Variants in DOCK5 observed in about 807,000 individuals in gnomAD.
DOCK5 encodes dedicator of cytokinesis protein 5.
In DOCK5, 142 loss-of-function variants were observed where a neutral mutation model predicts 251.8. The observed-to-expected ratio is 0.56, with a 90% CI of 0.49 to 0.65. The LOEUF (loss-of-function observed/expected upper bound fraction) is 0.65. Among genes scored for constraint, DOCK5 ranks in the 30% least tolerant of loss-of-function variants. The pLI is 0.00. For synonymous variants in DOCK5, 842 were observed against 835.5 expected (o/e 1.01, Z -0.13); for missense variants, 2,111 against 2,312.3 (o/e 0.91, Z 1.79).
rs5890230 is a variant in DOCK5, at chr8:25,396,763, C to CGT, written c.4704+1079_4704+1080dup. On this transcript the variant is annotated intron_variant, in intron 45 of 51. Transcript: ENST00000276440. ...ATTAATTGGGTGGCACTCTTGTGTCCGTGTGTGTGTGTGTGTGTGTGTGTG... is the reference window on the plus strand; with the variant it reads ...ATTAATTGGGTGGCACTCTTGTGTCCGTGTGTGTGTGTGTGTGTGTGTGTGTG... 5.3e-3 allele frequency among the ~76,000 whole-genome samples: 780 copies of CGT among 147,200 alleles called. 6 individuals are homozygous for CGT. Among genetic ancestry groups the CGT allele is most frequent in the African/African-American group, 0.018 (726 of 39,534 alleles).
intron 2 of DOCK5, among the ~76,000 whole-genome samples, chr8:25,257,450 C>T (rs1803448538): frequency 6.6e-6 from 1 of 152,144 alleles, no homozygotes; most frequent in Non-Finnish European, 1.5e-5. Context: ...TTGTTCTTTC[C>T]ACAACATGCA....
rs187416517 is a variant in DOCK5 at position 25,241,508 on chromosome 8, G to A, written c.44-2166G>A. On this transcript the variant is annotated intron_variant, in intron 1 of 51. Coordinates refer to ENST00000276440, the MANE Select transcript of DOCK5 (RefSeq NM_024940.8). ...AAAAAAAAGTCAGGAAACAACAGATGCTGGAGAGGACATGGAGAAAGAGGA... is the reference window on the plus strand; with the variant it reads ...AAAAAAAAGTCAGGAAACAACAGATACTGGAGAGGACATGGAGAAAGAGGA... Among the ~76,000 whole-genome samples, 92 of 152,044 alleles carry A rather than the reference G, an allele frequency of 6.1e-4. 1 individual carries two copies. The highest frequency in any genetic ancestry group is 1.5e-5 in the Non-Finnish European group (1 of 67,972).
chr8:25,354,651 GA>G (rs1586355822), intron 27 of DOCK5, among the ~76,000 whole-genome samples: 2 of 152,208 alleles, frequency 1.3e-5, no homozygotes, highest in East Asian at 3.9e-4. Context: ...AAAGTGAGGG[GA>G]AAATGTACAG....
At chr8:25,221,879 C>A (rs1802401466) in intron 1 of DOCK5, among the ~76,000 whole-genome samples, 1 of 152,150 alleles carries the variant, frequency 6.6e-6, no homozygotes, top group Admixed American at 6.5e-5. Flanking sequence ...GGACTTATAT[C>A]CAGGCTCACC....
chr8:25,351,833 A>G lies in DOCK5; in HGVS notation c.2850+7A>G, dbSNP rs1397816758. On this transcript the variant is annotated splice_region_variant and intron_variant, in intron 27 of 51. Coordinates refer to ENST00000276440, the MANE Select transcript of DOCK5 (RefSeq NM_024940.8). ...CCGGCAGTCTCCCCACATCGTGAGT[A>G]TCTCTTTGTTGGATCCCACGGCCGC... The G allele has an allele frequency of 6.2e-7, 1 of 1,612,514 alleles. No homozygotes were observed.
intron 8 of DOCK5, among the ~76,000 whole-genome samples, chr8:25,299,985 C>G (rs923723693): frequency 2.6e-5 from 4 of 152,196 alleles, no homozygotes; most frequent in Middle Eastern, 3.4e-3. Flanking sequence ...TCTTGTCGTA[C>G]AGGCCCGCAT....
intron 44 of DOCK5, among the ~76,000 whole-genome samples, chr8:25,393,722 G>A (rs550781569): frequency 2.0e-5 from 3 of 152,164 alleles, no homozygotes; most frequent in Admixed American, 6.5e-5. Flanking sequence ...TGGGTGACCT[G>A]CCCTTTGTCT....
chr8:25,325,485 A>AT lies in DOCK5; in HGVS notation c.1842dup (p.Ser615Ter). On this transcript the variant is annotated frameshift_variant, in exon 18 of 52. Transcript: ENST00000276440. LOFTEE classifies it high-confidence loss of function. The stretch of plus-strand genomic sequence containing the variant: ...CTGGTCACCTTCACCCCAAGCAAGG[A>AT]TAGCACTAAAGACAGCTTTCAGATT... 1 of 1,613,922 alleles carries AT rather than the reference A, an allele frequency of 6.2e-7. No individual in the cohort carries two copies.
chr8:25,226,731 G>A (rs971403713), intron 1 of DOCK5, among the ~76,000 whole-genome samples: 24 of 151,742 alleles, frequency 1.6e-4, no homozygotes, highest in Non-Finnish European at 2.2e-4. Context: ...GACTACAGGC[G>A]CCCGCCACCA....
In DOCK5 at chr8:25,413,207, C is replaced by A. The variant is rs1442047680; in HGVS notation, c.*1909C>A. 6.6e-6 allele frequency: 1 copy of A among 152,168 alleles called. No homozygotes were observed. Among genetic ancestry groups the A allele is most frequent in the Admixed American group, 6.5e-5 (1 of 15,274 alleles). The allele number at this position is 152,168 out of a possible 1,614,324, so 9.4% of individuals were successfully genotyped here. ...AAATATGGGAAAGAAGAGGTACTCACCTGATGGTCCCTGCTTTCCTCTGCT... is the reference window on the plus strand; with the variant it reads ...AAATATGGGAAAGAAGAGGTACTCAACTGATGGTCCCTGCTTTCCTCTGCT... On this transcript the variant is annotated 3_prime_UTR_variant, in exon 52 of 52. Transcript: ENST00000276440.
intron 2 of DOCK5, among the ~76,000 whole-genome samples, chr8:25,254,802 A>C (rs1425109886): frequency 6.7e-6 from 1 of 148,392 alleles, no homozygotes; most frequent in East Asian, 1.9e-4. Context: ...ACAAAAAAAA[A>C]AAACATTTGA....
At chr8:25,376,507 A>G (rs1355801003) in intron 37 of DOCK5, 3 of 446,782 alleles carry the variant, frequency 6.7e-6, no homozygotes, top group Non-Finnish European at 8.9e-6. Flanking sequence ...GTGTTTTATG[A>G]CCTGGTAGTT....
intron 1 of DOCK5, among the ~76,000 whole-genome samples, chr8:25,199,364 C>A (rs1403107290): frequency 6.7e-6 from 1 of 149,600 alleles, no homozygotes; most frequent in African/African-American, 2.5e-5. Flanking sequence ...CCCTCAGCTT[C>A]CATTTCCGCT....
intron 45 of DOCK5, among the ~76,000 whole-genome samples, chr8:25,397,426 T>C (rs1419870016): frequency 1.3e-5 from 2 of 152,208 alleles, no homozygotes; most frequent in African/African-American, 4.8e-5. Context: ...ATCTATGCTC[T>C]GTGGCTGCCA....
intron 1 of DOCK5, among the ~76,000 whole-genome samples, chr8:25,238,372 A>G (rs1283553525): frequency 3.9e-5 from 6 of 152,232 alleles, no homozygotes; most frequent in Non-Finnish European, 8.8e-5. Context: ...TAAGATATAT[A>G]TGAAAGTAAA....
At chr8:25,230,448 A>G (rs1206692424) in intron 1 of DOCK5, among the ~76,000 whole-genome samples, 1 of 152,226 alleles carries the variant, frequency 6.6e-6, no homozygotes, top group Non-Finnish European at 1.5e-5. Context: ...CGTGCCATCA[A>G]TTATGTAAAC....
intron 39 of DOCK5, 54 bp downstream of exon 39, chr8:25,380,448 C>A: frequency 7.0e-7 from 1 of 1,420,916 alleles, no homozygotes; most frequent in Non-Finnish European, 9.7e-7. Flanking sequence ...AAAATTAGCA[C>A]TCATGAAAAT....
intron 22 of DOCK5, among the ~76,000 whole-genome samples, chr8:25,336,912 C>T (rs1306948600): frequency 6.6e-6 from 1 of 152,076 alleles, no homozygotes; most frequent in Non-Finnish European, 1.5e-5. Flanking sequence ...ACTTTCCTAC[C>T]CTTCAGAAAT....
Position 25,401,086 on chromosome 8 carries a change from C to A in DOCK5, c.4926+20C>A. ...ACACTGGTAAGCATGATCTAAGTAG[C>A]CTTCACACCTTTTTCTAGGCTCTGT... On this transcript the variant is annotated intron_variant, in intron 47 of 51. Transcript: ENST00000276440. 1 of 1,611,506 alleles carries A rather than the reference C, an allele frequency of 6.2e-7. No homozygotes were observed. Among genetic ancestry groups the A allele is most frequent in the Non-Finnish European group, 8.5e-7 (1 of 1,178,564 alleles).
Sources: gnomAD v4.1 joint callset for allele counts (sites outside exome capture counted in the v4.1 genomes callset) on GRCh38, gnomAD v4.1.1 for gene constraint, MANE v1.5 for transcripts, NCBI Gene and HGNC (gene_info 2026-07-23, HGNC 2026-07-21) for gene names.